The following PHF7 variants were observed in gnomAD, a reference collection of about 807,000 sequenced individuals.
The protein encoded by PHF7 is E3 ubiquitin-protein ligase PHF7.
In PHF7, 24 loss-of-function variants were observed where a neutral mutation model predicts 47.5. That is an observed-to-expected ratio of 0.51 (90% confidence interval 0.37 to 0.71). The LOEUF is 0.71. PHF7 is among the 30% of genes least tolerant of loss of function. The pLI, the probability that PHF7 is intolerant of heterozygous loss-of-function variation, is 0.00. For missense variants in PHF7, 361 were observed against 456.8 expected, an observed-to-expected ratio of 0.79 and a Z score of 1.91; for synonymous variants, 156 against 153.8, an observed-to-expected ratio of 1.01 and a Z score of -0.11.
intron 3 of PHF7, 88 bp downstream of exon 3, chr3:52,414,136 C>G (rs944530718): frequency 9.5e-6 from 8 of 842,044 alleles, no homozygotes; most frequent in Non-Finnish European, 1.6e-5. Context: ...CTTGCTTCTT[C>G]TCTCTCTCCC....
Position 52,412,884 on chromosome 3 carries a change from A to G in PHF7, c.5A>G (p.Lys2Arg). 6.2e-7 allele frequency: 1 copy of G among 1,609,006 alleles called. No individual in the cohort carries two copies. The highest frequency in any genetic ancestry group is 8.5e-7 in the Non-Finnish European group (1 of 1,175,836). ...AGGAGAGAGAGACAGCACCGAATGA[A>G]GACTGTAAAAGAAAAGAAGGAATGC... is the stretch of plus-strand genomic sequence containing the variant. M[K>R]TVKEKKECQR... The change falls in exon 2 of 11, where the codon AAG (lysine) becomes AGG (arginine). Residue 2 changes from lysine (K) to arginine (R), a missense_variant. By Grantham distance (26) the Lys-to-Arg change is conservative. Coordinates refer to ENST00000327906, the MANE Select transcript of PHF7 (RefSeq NM_016483.7).
chr3:52,411,180 C>T lies in PHF7; in HGVS notation c.-137C>T, dbSNP rs539622981. ...GAAGATCGTGACGTCTTGTAACTAGCAGTGTGTGCACAGAATCCTACTCAA... is the reference window on the plus strand; with the variant it reads ...GAAGATCGTGACGTCTTGTAACTAGTAGTGTGTGCACAGAATCCTACTCAA... On this transcript the variant is annotated 5_prime_UTR_variant, in exon 1 of 11. Coordinates refer to ENST00000327906, the MANE Select transcript of PHF7 (RefSeq NM_016483.7). 6.6e-6 allele frequency: 1 copy of T among 152,198 alleles called. No homozygotes were observed. Among genetic ancestry groups the T allele is most frequent in the African/African-American group, 2.4e-5 (1 of 41,434 alleles). 9.4% of individuals were successfully genotyped at this position (152,198 alleles called of 1,614,324 possible).
chr3:52,412,679 A>G (rs1350059228), intron 1 of PHF7, 132 bp from the exon 2 acceptor site: 7 of 579,496 alleles, frequency 1.2e-5, no homozygotes, highest in African/African-American at 1.1e-4. Flanking sequence ...AACACATGTC[A>G]AGTACCTAGA....
intron 4 of PHF7, 114 bp from the exon 5 acceptor site, chr3:52,419,719 C>T (rs1267847992): frequency 1.9e-5 from 14 of 737,538 alleles, no homozygotes; most frequent in Non-Finnish European, 2.9e-5. Flanking sequence ...GCATGAGCCA[C>T]CACACCCGGC....
chr3:52,414,153 A>G lies in PHF7; in HGVS notation c.94+105A>G, dbSNP rs993398598. On this transcript the variant is annotated intron_variant, in intron 3 of 10. Transcript: ENST00000327906. ...TGCTTCTTCTCTCTCTCCCAGCCCT[A>G]CTTCCTTCCTAGATTCTCTAAGATC... The G allele has an allele frequency of 1.5e-5, 11 of 747,760 alleles. No homozygotes were observed. The African/African-American group carries it at 1.9e-4, about 13-fold the overall frequency. 46.3% of individuals were successfully genotyped at this position (747,760 alleles called of 1,614,324 possible). A position where few individuals can be genotyped will look rare whatever the true frequency, so the allele number is the denominator to read the frequency against.
intron 1 of PHF7, 27 bp from the exon 2 acceptor site, chr3:52,412,783 GC>G: frequency 9.9e-7 from 1 of 1,012,198 alleles, no homozygotes; most frequent in Non-Finnish European, 1.5e-6. Flanking sequence ...GAATTAAATT[GC>G]TTACCAAACC....
chr3:52,417,240 G>A (rs899732213), intron 4 of PHF7, among the ~76,000 whole-genome samples: 1 of 152,070 alleles, frequency 6.6e-6, no homozygotes, highest in Admixed American at 6.5e-5. Context: ...GTATTGTTAA[G>A]TTCTACAATC....
At position 52,420,894 on chromosome 3, in the gene PHF7, C is replaced by T; in HGVS notation, c.414-9C>T. 1 of 1,602,938 alleles carries T rather than the reference C, an allele frequency of 6.2e-7. No homozygotes were observed. The highest frequency in any genetic ancestry group is 8.5e-7 in the Non-Finnish European group (1 of 1,174,804). On this transcript the variant is annotated splice_polypyrimidine_tract_variant and intron_variant, in intron 6 of 10. Coordinates refer to ENST00000327906, the MANE Select transcript of PHF7 (RefSeq NM_016483.7). Reference sequence around the variant, plus strand: ...CAAACCAGAAACCAAGTCTGTTTACCTGCCACAGATCATTTTGTGACAAAC... The same window carrying T: ...CAAACCAGAAACCAAGTCTGTTTACTTGCCACAGATCATTTTGTGACAAAC...
At chr3:52,417,256 C>T (rs1316681798) in intron 4 of PHF7, among the ~76,000 whole-genome samples, 1 of 151,898 alleles carries the variant, frequency 6.6e-6, no homozygotes, top group Non-Finnish European at 1.5e-5. Context: ...CAATCTTTTC[C>T]AAGATTGTTT....
chr3:52,414,664 C>G (rs1313718696), intron 4 of PHF7, 77 bp downstream of exon 4: 2 of 785,546 alleles, frequency 2.5e-6, no homozygotes, highest in Non-Finnish European at 4.2e-6. Flanking sequence ...CATTCATCCT[C>G]ATATCCACAG....
rs372069325 is a variant in PHF7 at position 52,420,423 on chromosome 3, T to C, written c.401T>C (p.Phe134Ser). 6.2e-7 allele frequency: 1 copy of C among 1,614,206 alleles called. No individual in the cohort carries two copies. Among genetic ancestry groups the C allele is most frequent in the Non-Finnish European group, 8.5e-7 (1 of 1,180,022 alleles). ...GQERGCLSQF[F>S]GEYKSFCDKH... ...GAAAGGGGTTGCCTTTCACAATTTTTTGGAGAGTACAAGTGAGTGAGGGAA... is the reference window on the plus strand; with the variant it reads ...GAAAGGGGTTGCCTTTCACAATTTTCTGGAGAGTACAAGTGAGTGAGGGAA... Residue 134 changes from phenylalanine to serine, a missense_variant, in exon 6 of 11, where the codon TTT becomes TCT. Transcript: ENST00000327906.
chr3:52,422,875 G>C lies in PHF7; in HGVS notation c.913G>C (p.Ala305Pro), dbSNP rs759489472. ...WECEECSPAA[A>P]TDYIPENSGD... Reference sequence around the variant, plus strand: ...GTGTGAGGAGTGTTCACCTGCTGCAGCCACAGGTGAGGCTGGAGGGATGGG... The same window carrying C: ...GTGTGAGGAGTGTTCACCTGCTGCACCCACAGGTGAGGCTGGAGGGATGGG... The change falls in exon 10 of 11, where the codon GCC becomes CCC. Residue 305 changes from alanine (A) to proline (P), a missense_variant. Physicochemically the swap from Ala to Pro is conservative, Grantham distance 27. Transcript: ENST00000327906. 4.3e-6 allele frequency: 7 copies of C among 1,614,192 alleles called. No homozygotes were observed. The Admixed American group carries it at 5.0e-5, about 12-fold the overall frequency.
intron 9 of PHF7, 62 bp downstream of exon 9, chr3:52,422,400 G>A (rs1356439604): frequency 3.8e-6 from 4 of 1,051,932 alleles, no homozygotes; most frequent in Admixed American, 1.7e-5. Flanking sequence ...TTAGACCTTG[G>A]CACAGTTATT....
At chr3:52,421,099 G>T in intron 7 of PHF7, 37 bp downstream of exon 7, 1 of 1,548,052 alleles carries the variant, frequency 6.5e-7, no homozygotes, top group Non-Finnish European at 8.7e-7. Context: ...TTCCACCATT[G>T]CCCTAGTTCT....
intron 7 of PHF7, 54 bp downstream of exon 7, chr3:52,421,116 G>A: frequency 1.4e-6 from 2 of 1,472,376 alleles, no homozygotes; most frequent in Non-Finnish European, 1.8e-6. Context: ...TTCTCTGCCT[G>A]GAACCAGAGA....
At chr3:52,413,965 A>G (rs762827491) in intron 2 of PHF7, 31 bp from the exon 3 acceptor site, 10 of 1,505,242 alleles carry the variant, frequency 6.6e-6, no homozygotes, top group Non-Finnish European at 9.2e-6. Context: ...TCCCCAAAGA[A>G]CACCTTGTGC....
At chr3:52,417,554 A>G (rs1342304297) in intron 4 of PHF7, among the ~76,000 whole-genome samples, 1 of 152,236 alleles carries the variant, frequency 6.6e-6, no homozygotes, top group Non-Finnish European at 1.5e-5. Context: ...TATTGTAAAT[A>G]GTATTTTTAT....
intron 4 of PHF7, among the ~76,000 whole-genome samples, chr3:52,415,598 G>T (rs1206821530): frequency 6.6e-6 from 1 of 152,078 alleles, no homozygotes; most frequent in African/African-American, 2.4e-5. Flanking sequence ...ATTATTTTTG[G>T]CTATTCTTTT....
At chr3:52,421,564 C>T (rs929270088) in intron 7 of PHF7, 84 bp from the exon 8 acceptor site, 32 of 826,392 alleles carry the variant, frequency 3.9e-5, no homozygotes, top group Non-Finnish European at 6.3e-5. Flanking sequence ...GCAACATCCT[C>T]TTTGTAGGGG....
Sources: gnomAD v4.1 joint callset for allele counts (sites outside exome capture counted in the v4.1 genomes callset) on GRCh38, gnomAD v4.1.1 for gene constraint, MANE v1.5 for transcripts, NCBI Gene and HGNC (gene_info 2026-07-23, HGNC 2026-07-21) for gene names.